Variants in UGT2B7 observed in about 807,000 individuals in gnomAD.
UGT2B7 encodes the protein UDP-glucuronosyltransferase 2B7.
In UGT2B7, 51 loss-of-function variants were observed where a neutral mutation model predicts 51.9. That is an observed-to-expected ratio of 0.98 (90% CI 0.78 to 1.24). The LOEUF is 1.24. UGT2B7 is among the 50% of genes most tolerant of loss of function. The probability of loss-of-function intolerance (pLI) is 0.00; values close to 1 mark genes in which losing one functional copy is unlikely to be tolerated. For synonymous variants in UGT2B7, 225 were observed against 211.6 expected (o/e 1.06, Z -0.55); for missense variants, 727 against 628.4 (o/e 1.16, Z -1.68).
At chr4:69,060,171 C>T (rs1187094230) in intron 1 of UGT2B7, among the ~76,000 whole-genome samples, 1 of 152,188 alleles carries the variant, frequency 6.6e-6, no homozygotes, top group Middle Eastern at 3.2e-3. Context: ...CGAGGGGACC[C>T]AAGACCTCCT....
intron 1 of UGT2B7, among the ~76,000 whole-genome samples, chr4:69,097,511 CA>C (rs1389794220): frequency 1.3e-5 from 2 of 152,084 alleles, no homozygotes; most frequent in African/African-American, 4.8e-5. Flanking sequence ...AGCAATTACA[CA>C]TCTGTTTTAC....
chr4:69,056,690 T>C (rs1718211167), intron 1 of UGT2B7, among the ~76,000 whole-genome samples: 1 of 151,994 alleles, frequency 6.6e-6, no homozygotes, highest in Non-Finnish European at 1.5e-5. Context: ...TTCCTACCTG[T>C]ACTTCTTCAA....
upstream of UGT2B7, among the ~76,000 whole-genome samples, chr4:69,096,268 A>G (rs1719219763): frequency 6.6e-6 from 1 of 152,158 alleles, no homozygotes; most frequent in East Asian, 1.9e-4. Context: ...TCCATACAAG[A>G]TCCTTGATAT....
intron 2 of UGT2B7, among the ~76,000 whole-genome samples, chr4:69,098,993 G>A (rs1719339503): frequency 6.6e-6 from 1 of 151,826 alleles, no homozygotes; most frequent in Admixed American, 6.6e-5. Context: ...TTTACAAAGG[G>A]ATTAGCACAA....
chr4:69,086,271 T>G lies in UGT2B7; in HGVS notation c.-158-3201T>G, dbSNP rs192732079. 4.2e-3 allele frequency among the ~76,000 whole-genome samples: 637 copies of G among 152,030 alleles called. 2 individuals carry two copies. Among genetic ancestry groups the G allele is most frequent in the African/African-American group, 0.015 (611 of 41,560 alleles). On this transcript the variant is annotated intron_variant, in intron 1 of 5. Transcript: ENST00000502942. Reference sequence around the variant, plus strand: ...AATGGTTGTTTATGAGCACATTTAATTTATGTATAGTTGTACATGTTCCCA... The same window carrying G: ...AATGGTTGTTTATGAGCACATTTAAGTTATGTATAGTTGTACATGTTCCCA...
chr4:69,063,314 GTC>G (rs1718397193), intron 1 of UGT2B7, among the ~76,000 whole-genome samples: 1 of 28,546 alleles, frequency 3.5e-5, no homozygotes, highest in African/African-American at 3.6e-4. Context: ...GCGAGACTCC[GTC>G]TCAAAAAAAA....
intron 1 of UGT2B7, among the ~76,000 whole-genome samples, chr4:69,057,491 C>T (rs368650230): frequency 2.0e-5 from 3 of 152,260 alleles, no homozygotes; most frequent in Admixed American, 6.5e-5. Flanking sequence ...AAATATTTAA[C>T]GTAAGATTAC....
At chr4:69,064,094 A>AAGAAAGAAAGAAAGAGAGAG (rs1560499755) in intron 1 of UGT2B7, among the ~76,000 whole-genome samples, 22 of 84,478 alleles carry the variant, frequency 2.6e-4, no homozygotes, top group Non-Finnish European at 4.3e-4. Flanking sequence ...GAAAGAAAGA[A>AAGAAAGAAAGAAAGAGAGAG]AGAGAAAGAA....
chr4:69,093,339 C>G (rs1315189841), upstream of UGT2B7, among the ~76,000 whole-genome samples: 2 of 152,318 alleles, frequency 1.3e-5, no homozygotes, highest in African/African-American at 4.8e-5. Flanking sequence ...GCACAAACAG[C>G]AAAGATGGTG....
intron 5 of UGT2B7, among the ~76,000 whole-genome samples, chr4:69,111,117 A>T (rs933185340): frequency 1.3e-5 from 2 of 152,140 alleles, no homozygotes; most frequent in African/African-American, 2.4e-5. Flanking sequence ...GAGAGGGGAA[A>T]AAAATGTGTA....
intron 1 of UGT2B7, among the ~76,000 whole-genome samples, chr4:69,064,112 A>AGAGAGAGAAAGAAAG (rs1718433031): frequency 9.2e-5 from 8 of 86,840 alleles, no homozygotes; most frequent in Admixed American, 2.3e-4. Context: ...GAAAGAAAGA[A>AGAGAGAGAAAGAAAG]AAAGAAAGAA....
At position 69,107,190 on chromosome 4, in the gene UGT2B7, G is replaced by T; in HGVS notation, c.1018G>T (p.Asp340Tyr). ...QIPQKVLWRF[D>Y]GNKPDTLGLN... Reference sequence around the variant, plus strand: ...ATTGTAACAGGTTCTGTGGAGATTTGATGGGAATAAACCAGATACCTTAGG... The same window carrying T: ...ATTGTAACAGGTTCTGTGGAGATTTTATGGGAATAAACCAGATACCTTAGG... The change falls in exon 4 of 6, where the codon GAT becomes TAT. Residue 340 changes from aspartate (D) to tyrosine (Y), a missense_variant. Coordinates refer to ENST00000305231, the MANE Select transcript of UGT2B7 (RefSeq NM_001074.4). 6.2e-7 allele frequency: 1 copy of T among 1,608,648 alleles called. No homozygotes were observed. The highest frequency in any genetic ancestry group is 8.5e-7 in the Non-Finnish European group (1 of 1,176,906).
intron 2 of UGT2B7, 45 bp downstream of exon 2, chr4:69,098,733 C>T: frequency 1.9e-6 from 3 of 1,597,994 alleles, no homozygotes; most frequent in Non-Finnish European, 1.7e-6. Context: ...TTTGAATTTT[C>T]AGTAGAAATG....
Position 69,096,605 on chromosome 4 carries a change from T to C in UGT2B7, c.85T>C (p.Trp29Arg). The change falls in exon 1 of 6, where the codon TGG becomes CGG. Residue 29 changes from tryptophan (W) to arginine (R), a missense_variant. Transcript: ENST00000305231. ...TGGGAATTGTGGAAAGGTGCTGGTG[T>C]GGGCAGCAGAATACAGCCATTGGAT... ...SSGNCGKVLV[W>R]AAEYSHWMNI... The C allele has an allele frequency of 6.2e-7, 1 of 1,614,050 alleles. No individual in the cohort carries two copies. Among genetic ancestry groups the C allele is most frequent in the Non-Finnish European group, 8.5e-7 (1 of 1,179,912 alleles).
intron 5 of UGT2B7, among the ~76,000 whole-genome samples, chr4:69,108,773 A>AC (rs1355077858): frequency 1.3e-5 from 2 of 151,278 alleles, no homozygotes; most frequent in East Asian, 3.9e-4. Context: ...ATAGCATAAA[A>AC]CCCCCCTGTT....
At chr4:69,064,112 A>AAAAGAAAG (rs60807201) in intron 1 of UGT2B7, among the ~76,000 whole-genome samples, 7 of 86,798 alleles carry the variant, frequency 8.1e-5, no homozygotes, top group African/African-American at 2.4e-4. Flanking sequence ...GAAAGAAAGA[A>AAAAGAAAG]AAAGAAAGAA....
chr4:69,067,101 A>T (rs1718496870), intron 1 of UGT2B7, among the ~76,000 whole-genome samples: 1 of 152,102 alleles, frequency 6.6e-6, no homozygotes, highest in Non-Finnish European at 1.5e-5. Flanking sequence ...TGGTAATGGG[A>T]AATGGGTGAC....
intron 3 of UGT2B7, among the ~76,000 whole-genome samples, chr4:69,105,144 C>T (rs1177595811): frequency 2.6e-5 from 4 of 152,084 alleles, no homozygotes; most frequent in African/African-American, 9.7e-5. Context: ...CCCACAAGGA[C>T]TCTGCACTAT....
intron 1 of UGT2B7, among the ~76,000 whole-genome samples, chr4:69,064,096 GAGAAAGAAAGAAAGAAAAAGAAAGAAAGA>G: frequency 1.3e-5 from 1 of 75,732 alleles, no homozygotes; most frequent in South Asian, 4.2e-4. Flanking sequence ...AAGAAAGAAA[GAGAAAGAAAGAAAGAAAAAGAAAGAAAGA>G]AAGAAAGAAA....
Sources: gnomAD v4.1 joint callset for allele counts (sites outside exome capture counted in the v4.1 genomes callset) on GRCh38, gnomAD v4.1.1 for gene constraint, MANE v1.5 for transcripts, NCBI Gene and HGNC (gene_info 2026-07-23, HGNC 2026-07-21) for gene names.